IQGAP1: variants seen among roughly 807,000 people sequenced by gnomAD.
The protein encoded by IQGAP1 is IQ motif containing GTPase activating protein 1, also known as ras GTPase-activating-like protein IQGAP1.
A neutral mutation model predicts 215.6 loss-of-function variants in IQGAP1; 66 were observed. That is an observed-to-expected ratio of 0.31 (90% CI 0.25 to 0.38). The LOEUF is 0.38. Among genes scored for constraint, IQGAP1 ranks in the 10% least tolerant of loss-of-function variants. IQGAP1 has a pLI of 1.00. For synonymous variants in IQGAP1, 772 were observed against 728.7 expected, an observed-to-expected ratio of 1.06 and a Z score of -0.96; for missense variants, 1,712 against 1,997.1, an observed-to-expected ratio of 0.86 and a Z score of 2.72.
chr15:90,473,620 T>C (rs1965935621), intron 19 of IQGAP1, 95 bp from the exon 20 acceptor site: 1 of 832,296 alleles, frequency 1.2e-6, no homozygotes, highest in Non-Finnish European at 1.9e-6. Flanking sequence ...CATCATGAAA[T>C]TGCACTTGGA....
At position 90,477,156 on chromosome 15, in the gene IQGAP1, C is replaced by T; in HGVS notation, c.3030C>T (p.Tyr1010=). 1.9e-6 allele frequency: 3 copies of T among 1,614,064 alleles called. No homozygotes were observed. Among genetic ancestry groups the T allele is most frequent in the Non-Finnish European group, 2.5e-6 (3 of 1,179,964 alleles). Residue 1010 remains tyrosine, a synonymous_variant, in exon 25 of 38, where the codon TAC becomes TAT. Coordinates refer to ENST00000268182, the MANE Select transcript of IQGAP1 (RefSeq NM_003870.4). ...KFMDSVIFTL[Y]NYASNQREEY... is the part of the protein sequence containing the mutation. ...TGGACTCTGTAATCTTCACACTCTA[C>T]AACTACGCGTCCAACCAGCGAGAGG...
At position 90,494,694 on chromosome 15, in the gene IQGAP1, C is replaced by G; in HGVS notation, c.4629-19C>G. The G allele has an allele frequency of 6.3e-7, 1 of 1,589,874 alleles. No individual in the cohort carries two copies. The highest frequency in any genetic ancestry group is 8.5e-7 in the Non-Finnish European group (1 of 1,170,504). On this transcript the variant is annotated intron_variant, in intron 35 of 37. Coordinates refer to ENST00000268182, the MANE Select transcript of IQGAP1 (RefSeq NM_003870.4). ...GTAGATGGTTACTTATAGAAAGTGA[C>G]ATGATGTGATTTTTACAGAGTCTCC...
chr15:90,483,616 T>C (rs1567141429), intron 29 of IQGAP1, 23 bp downstream of exon 29: 1 of 1,494,398 alleles, frequency 6.7e-7, no homozygotes. Context: ...GCACAAGTGC[T>C]TAAGAGAGTC....
Position 90,449,648 on chromosome 15 carries a change from G to C in IQGAP1, c.1162+5G>C, listed in dbSNP as rs966366895. On this transcript the variant is annotated splice_donor_5th_base_variant and intron_variant, in intron 11 of 37. Transcript: ENST00000268182. Reference sequence around the variant, plus strand: ...CTGCCCAGCAATATCAGAGAAGTAAGAGTCCATTGAAATTGTATGGGAGGA... The same window carrying C: ...CTGCCCAGCAATATCAGAGAAGTAACAGTCCATTGAAATTGTATGGGAGGA... 6.2e-7 allele frequency: 1 copy of C among 1,606,800 alleles called. No individual in the cohort carries two copies.
intron 37 of IQGAP1, among the ~76,000 whole-genome samples, chr15:90,499,339 A>G (rs889423274): frequency 6.6e-6 from 1 of 152,226 alleles, no homozygotes; most frequent in Non-Finnish European, 1.5e-5. Flanking sequence ...CTTTAAAGTT[A>G]GAATAATCGC....
At position 90,476,810 on chromosome 15, in the gene IQGAP1, T is replaced by G. The variant is rs983492228; in HGVS notation, c.2932T>G (p.Leu978Val). 2 of 1,586,498 alleles carry G rather than the reference T, an allele frequency of 1.3e-6. No individual in the cohort carries two copies. Among genetic ancestry groups the G allele is most frequent in the Non-Finnish European group, 1.7e-6 (2 of 1,173,956 alleles). ...KLEAYQHLFY[L>V]LQTNPTYLAK... The stretch of plus-strand genomic sequence containing the variant: ...GGAAGCTTACCAGCACCTGTTTTAT[T>G]TATTGCAAGTAAGTGGCTCCTGGAA... Residue 978 changes from leucine to valine, a missense_variant, in exon 24 of 38, where the codon TTA (leucine) becomes GTA (valine). Transcript: ENST00000268182.
intron 2 of IQGAP1, among the ~76,000 whole-genome samples, chr15:90,394,942 GC>G (rs1263891285): frequency 2.6e-5 from 4 of 152,158 alleles, no homozygotes; most frequent in Non-Finnish European, 4.4e-5. Flanking sequence ...CTGTGTAGAG[GC>G]AGTGAGTATA....
At position 90,477,714 on chromosome 15, in the gene IQGAP1, A is replaced by G. The variant is rs778799785; in HGVS notation, c.3154A>G (p.Ile1052Val). The part of the protein sequence containing the change: ...QEIVTGNPTV[I>V]KMVVSFNRGA... The stretch of plus-strand genomic sequence containing the variant: ...GATTGTGACAGGAAATCCTACGGTT[A>G]TTAAAATGGTTGTAAGTTTCAACCG... The change falls in exon 26 of 38, where the codon ATT (isoleucine) becomes GTT (valine). Residue 1052 changes from isoleucine to valine, a missense_variant. Transcript: ENST00000268182. The G allele has an allele frequency of 3.7e-5, 60 of 1,613,920 alleles. No individual in the cohort carries two copies. Among genetic ancestry groups the G allele is most frequent in the African/African-American group, 8.0e-5 (6 of 74,916 alleles).
At chr15:90,488,411 T>C (rs1440321928) in intron 33 of IQGAP1, among the ~76,000 whole-genome samples, 1 of 152,064 alleles carries the variant, frequency 6.6e-6, no homozygotes, top group Non-Finnish European at 1.5e-5. Flanking sequence ...TGTTGTATTT[T>C]TTTTTCAAAC....
At chr15:90,424,736 G>T (rs768077649) in intron 2 of IQGAP1, among the ~76,000 whole-genome samples, 2 of 152,092 alleles carry the variant, frequency 1.3e-5, no homozygotes, top group African/African-American at 2.4e-5. Flanking sequence ...CAACTCGGGA[G>T]GCTGAGGCAG....
chr15:90,494,241 T>C (rs1355545248), intron 35 of IQGAP1: 1 of 152,400 alleles, frequency 6.6e-6, no homozygotes, highest in Admixed American at 6.5e-5. Flanking sequence ...TCCTAACCTG[T>C]TTCTTTTTCC....
At chr15:90,462,000 G>GAAAA (rs1555439593) in intron 15 of IQGAP1, among the ~76,000 whole-genome samples, 3 of 11,564 alleles carry the variant, frequency 2.6e-4, no homozygotes, top group Non-Finnish European at 4.1e-4. Flanking sequence ...AAAAAAAAAA[G>GAAAA]AAAAAAAAAA....
chr15:90,437,643 A>G (rs964755473), intron 5 of IQGAP1, among the ~76,000 whole-genome samples: 9 of 152,290 alleles, frequency 5.9e-5, no homozygotes, highest in African/African-American at 9.6e-5. Flanking sequence ...GGCACAAGCT[A>G]TCCTCCTGCC....
chr15:90,445,695 A>G (rs1453786475), intron 9 of IQGAP1, among the ~76,000 whole-genome samples: 2 of 152,234 alleles, frequency 1.3e-5, no homozygotes, highest in Non-Finnish European at 2.9e-5. Flanking sequence ...CAAGATACTC[A>G]TAACAATAAT....
chr15:90,419,523 T>G (rs1330325703), intron 2 of IQGAP1, among the ~76,000 whole-genome samples: 1 of 152,216 alleles, frequency 6.6e-6, no homozygotes, highest in East Asian at 1.9e-4. Flanking sequence ...ATTGAATATT[T>G]ATATTTAATA....
At chr15:90,441,219 G>C (rs542637071) in intron 7 of IQGAP1, among the ~76,000 whole-genome samples, 10 of 152,288 alleles carry the variant, frequency 6.6e-5, no homozygotes, top group African/African-American at 2.4e-4. Context: ...TCCAGAGCAA[G>C]TGTTCCTTGC....
intron 2 of IQGAP1, among the ~76,000 whole-genome samples, chr15:90,394,135 CAAAAA>C (rs56810085): frequency 2.0e-4 from 15 of 74,370 alleles, no homozygotes; most frequent in East Asian, 1.7e-3. Flanking sequence ...AACTCTGTCT[CAAAAA>C]AAAAAAAAAA....
At chr15:90,496,515 A>G (rs1017419291) in intron 36 of IQGAP1, among the ~76,000 whole-genome samples, 2 of 151,646 alleles carry the variant, frequency 1.3e-5, no homozygotes, top group African/African-American at 2.4e-5. Context: ...TAATAGAGAT[A>G]GGGTTTCACC....
At chr15:90,443,579 A>G in intron 9 of IQGAP1, 101 bp downstream of exon 9, 1 of 669,696 alleles carries the variant, frequency 1.5e-6, no homozygotes, top group Non-Finnish European at 2.5e-6. Context: ...TACTTACTTT[A>G]GACATTCGTG....
Sources: allele counts gnomAD v4.1 joint callset (sites outside exome capture counted in the v4.1 genomes callset), GRCh38; gene constraint gnomAD v4.1.1; transcripts MANE v1.5; gene names NCBI Gene and HGNC (gene_info 2026-07-23, HGNC 2026-07-21).